Variants in IPCEF1 observed in about 807,000 individuals in gnomAD.
The protein encoded by IPCEF1 is interaction protein for cytohesin exchange factors 1.
In IPCEF1, 31 loss-of-function variants were observed where a neutral mutation model predicts 50.9. The ratio of observed to expected loss-of-function variants is 0.61; its 90% confidence interval spans 0.46 to 0.82. The LOEUF is 0.82. Ranked by LOEUF, IPCEF1 falls within the 40% of genes least tolerant of loss-of-function variation. IPCEF1 has a pLI of 0.00. For synonymous variants in IPCEF1, 181 were observed against 192.0 expected (o/e 0.94, Z 0.47); for missense variants, 458 against 514.0 (o/e 0.89, Z 1.05).
chr6:154,189,778 G>A (rs1801701821), intron 10 of IPCEF1, among the ~76,000 whole-genome samples: 1 of 152,034 alleles, frequency 6.6e-6, no homozygotes, highest in Non-Finnish European at 1.5e-5. Flanking sequence ...AGTCCAGCCT[G>A]ACCAATATGG....
intron 10 of IPCEF1, among the ~76,000 whole-genome samples, chr6:154,192,654 CAAATT>C (rs56791733): frequency 0.57 from 86,745 of 151,014 alleles, 25,264 homozygotes; most frequent in East Asian, 0.89. Context: ...GGAACACAAA[CAAATT>C]AGGAAGAAAA....
chr6:154,352,661 T>C (rs1257821718), intron 1 of IPCEF1, among the ~76,000 whole-genome samples: 2 of 152,230 alleles, frequency 1.3e-5, no homozygotes, highest in Non-Finnish European at 2.9e-5. Flanking sequence ...GAAGATTCTT[T>C]TCAATGCCTA....
In IPCEF1 at chr6:154,221,257, A is replaced by G; in HGVS notation, c.392T>C (p.Val131Ala). The stretch of plus-strand genomic sequence containing the variant: ...GGGTTTACCAGTTTCCTCTACTTAC[A>G]CGTTCATTTCCTGCACATTCTCAGC... ...FAAENVQEMN[V>A]WLNKLGSAVI... The change falls in exon 7 of 12, where the codon GTG becomes GCG. Residue 131 changes from valine (V) to alanine (A), a missense_variant and splice_region_variant. By Grantham distance (64) the Val-to-Ala change is moderately conservative. Transcript: ENST00000367220. 8 of 1,613,348 alleles carry G rather than the reference A, an allele frequency of 5.0e-6. No individual in the cohort carries two copies. Among genetic ancestry groups the G allele is most frequent in the Non-Finnish European group, 6.8e-6 (8 of 1,179,374 alleles).
At chr6:154,265,274 AATT>A (rs1031797771) in intron 3 of IPCEF1, among the ~76,000 whole-genome samples, 2 of 152,040 alleles carry the variant, frequency 1.3e-5, no homozygotes, top group African/African-American at 4.8e-5. Context: ...ATTTCAGTGA[AATT>A]ATTATTATGT....
intron 10 of IPCEF1, among the ~76,000 whole-genome samples, chr6:154,176,017 C>G (rs761796948): frequency 6.6e-6 from 1 of 152,176 alleles, no homozygotes; most frequent in Non-Finnish European, 1.5e-5. Flanking sequence ...ACTGCTTCAA[C>G]GTACCCAAAT....
Position 154,195,143 on chromosome 6 carries a change from C to CTTT in IPCEF1, c.910+4522_910+4524dup, listed in dbSNP as rs1162086187. Among the ~76,000 whole-genome samples, 924 of 133,324 alleles carry CTTT rather than the reference C, an allele frequency of 6.9e-3. 14 individuals carry two copies. Among genetic ancestry groups the CTTT allele is most frequent in the African/African-American group, 0.024 (811 of 33,588 alleles). 87.5% of individuals were successfully genotyped at this position (133,324 alleles called of 152,430 possible). ...CTACAGCTAAAATAATTTTTCTTTT[C>CTTT]TTTCTTTTTTTTTTTTTTTTTTGAG... On this transcript the variant is annotated intron_variant, in intron 10 of 11. Transcript: ENST00000367220.
intron 9 of IPCEF1, among the ~76,000 whole-genome samples, chr6:154,201,279 G>A (rs1245439907): frequency 6.6e-6 from 1 of 152,134 alleles, no homozygotes; most frequent in Admixed American, 6.6e-5. Context: ...TTTATTCTGA[G>A]ATTTTTATCT....
intron 10 of IPCEF1, among the ~76,000 whole-genome samples, chr6:154,177,652 A>T (rs1241169292): frequency 2.0e-5 from 3 of 152,244 alleles, no homozygotes; most frequent in Admixed American, 1.3e-4. Context: ...GATGCTGGAG[A>T]GGATGTGGAG....
chr6:154,334,186 CAGTGTT>C (rs1374410124), intron 1 of IPCEF1, among the ~76,000 whole-genome samples: 1 of 152,180 alleles, frequency 6.6e-6, no homozygotes, highest in Non-Finnish European at 1.5e-5. Context: ...ACTCATACAT[CAGTGTT>C]AGTAACTCAT....
At chr6:154,322,898 T>G (rs1783420349) in intron 1 of IPCEF1, among the ~76,000 whole-genome samples, 1 of 151,746 alleles carries the variant, frequency 6.6e-6, no homozygotes, top group Non-Finnish European at 1.5e-5. Flanking sequence ...AATTTTTAAA[T>G]GTAGAAATTG....
At chr6:154,320,208 C>T (rs772794781) in intron 1 of IPCEF1, among the ~76,000 whole-genome samples, 4 of 152,158 alleles carry the variant, frequency 2.6e-5, no homozygotes, top group Non-Finnish European at 4.4e-5. Context: ...TAGACGCTAA[C>T]CATGTAGTTC....
chr6:154,355,384 G>C (rs1212103412), intron 1 of IPCEF1, among the ~76,000 whole-genome samples: 1 of 152,126 alleles, frequency 6.6e-6, no homozygotes, highest in Admixed American at 6.5e-5. Flanking sequence ...ATTAAAGAAT[G>C]AGTTCATCAA....
At chr6:154,166,246 T>C (rs181084768) in intron 11 of IPCEF1, among the ~76,000 whole-genome samples, 4 of 152,294 alleles carry the variant, frequency 2.6e-5, no homozygotes, top group Admixed American at 6.5e-5. Context: ...CAGAGACCCA[T>C]AGGGAATGGT....
chr6:154,209,667 T>C lies in IPCEF1; in HGVS notation c.537+3103A>G, dbSNP rs1242238700. Among the ~76,000 whole-genome samples, 5 of 151,278 alleles carry C rather than the reference T, an allele frequency of 3.3e-5. No homozygotes were observed. The East Asian group carries it at 9.7e-4, about 29-fold the overall frequency. On this transcript the variant is annotated intron_variant, in intron 9 of 11. Transcript: ENST00000367220. ...TCAAAAAAAAAAAAAAAAAAGTTAC[T>C]ATATATTTTTTTTATTTCATCTGTT... is the stretch of plus-strand genomic sequence containing the variant.
At chr6:154,297,033 TTTTTC>T (rs1327529378) in intron 1 of IPCEF1, among the ~76,000 whole-genome samples, 2 of 151,786 alleles carry the variant, frequency 1.3e-5, no homozygotes, top group Non-Finnish European at 2.9e-5. Flanking sequence ...TACATTTCTT[TTTTTC>T]TTTTCTTTTC....
chr6:154,309,577 G>A lies in IPCEF1; in HGVS notation c.-61-19821C>T, dbSNP rs575171403. On this transcript the variant is annotated intron_variant, in intron 1 of 11. Coordinates refer to ENST00000367220, the MANE Select transcript of IPCEF1 (RefSeq NM_001130700.2). Reference sequence around the variant, plus strand: ...CCCTTCATTATGCTGGGGAGGTGCCGCCCTCCTTGTTCTTGGAGAAGGCAT... The same window carrying A: ...CCCTTCATTATGCTGGGGAGGTGCCACCCTCCTTGTTCTTGGAGAAGGCAT... Among the ~76,000 whole-genome samples, 10 of 151,952 alleles carry A rather than the reference G, an allele frequency of 6.6e-5. No homozygotes were observed. In the South Asian group the frequency reaches 1.9e-3, roughly 29 times the overall value.
In IPCEF1 at chr6:154,154,947, A is replaced by T. The variant is rs1291509889; in HGVS notation, c.*4881T>A. 6.6e-6 allele frequency: 1 copy of T among 151,402 alleles called. No individual in the cohort carries two copies. 9.4% of individuals were successfully genotyped at this position (151,402 alleles called of 1,614,324 possible). ...CACATTAAAATATATGGCGATTAAAACTCCTGGTTTCTATTTTACGGCATT... is the reference window on the plus strand; with the variant it reads ...CACATTAAAATATATGGCGATTAAATCTCCTGGTTTCTATTTTACGGCATT... On this transcript the variant is annotated 3_prime_UTR_variant, in exon 12 of 12. Transcript: ENST00000367220.
intron 1 of IPCEF1, among the ~76,000 whole-genome samples, chr6:154,316,078 G>C (rs968989995): frequency 1.3e-5 from 2 of 152,062 alleles, no homozygotes; most frequent in Admixed American, 1.3e-4. Flanking sequence ...GGCTAGTCTT[G>C]AACTCCTGGC....
At chr6:154,235,531 C>CA (rs34877577) in intron 5 of IPCEF1, among the ~76,000 whole-genome samples, 56,805 of 97,616 alleles carry the variant, frequency 0.58, 15,259 homozygotes, top group Admixed American at 0.65. Context: ...AACTCTGTCA[C>CA]AAAAAAAAAA....
Sources: gnomAD v4.1 joint callset for allele counts (sites outside exome capture counted in the v4.1 genomes callset) on GRCh38, gnomAD v4.1.1 for gene constraint, MANE v1.5 for transcripts, NCBI Gene and HGNC (gene_info 2026-07-23, HGNC 2026-07-21) for gene names.